Variants in CNTNAP2 observed in about 807,000 individuals in gnomAD.
CNTNAP2 encodes the protein contactin-associated protein-like 2.
CNTNAP2 carries 98 observed loss-of-function variants against 155.2 expected under a neutral mutation model. The observed-to-expected ratio is 0.63, with a 90% confidence interval of 0.54 to 0.75. The LOEUF (loss-of-function observed/expected upper bound fraction) is 0.75, where lower values mean the gene tolerates loss of function less well. Among genes scored for constraint, CNTNAP2 ranks in the 30% least tolerant of loss-of-function variants. The pLI, the probability that CNTNAP2 is intolerant of heterozygous loss-of-function variation, is 0.00. For synonymous variants in CNTNAP2, 651 were observed against 631.2 expected (o/e 1.03, Z -0.47); for missense variants, 1,727 against 1,688.1 (o/e 1.02, Z -0.40).
chr7:148,264,947 C>A (rs1796640911), intron 20 of CNTNAP2, among the ~76,000 whole-genome samples: 1 of 152,194 alleles, frequency 6.6e-6, no homozygotes, highest in Non-Finnish European at 1.5e-5. Flanking sequence ...CCCACCTCGG[C>A]CTCCCAAAGT....
intron 8 of CNTNAP2, among the ~76,000 whole-genome samples, chr7:147,174,109 A>G (rs561609962): frequency 6.6e-6 from 1 of 152,212 alleles, no homozygotes; most frequent in South Asian, 2.1e-4. Flanking sequence ...ACCACAGTCC[A>G]TCCTGATAGC....
Sources: allele counts gnomAD v4.1 joint callset (sites outside exome capture counted in the v4.1 genomes callset), GRCh38; gene constraint gnomAD v4.1.1; transcripts MANE v1.5; gene names NCBI Gene and HGNC (gene_info 2026-07-23, HGNC 2026-07-21).